Variants in CORO2B observed in about 807,000 individuals in gnomAD.
CORO2B encodes coronin 2B, also known as coronin-2B.
Under a neutral mutation model 58.8 loss-of-function variants are expected in CORO2B, and 26 were observed. The ratio of observed to expected loss-of-function variants is 0.44; its 90% confidence interval spans 0.32 to 0.61. The LOEUF (loss-of-function observed/expected upper bound fraction) is 0.61. CORO2B is among the 20% of genes least tolerant of loss of function. CORO2B has a pLI of 0.04. For synonymous variants in CORO2B, 242 were observed against 253.8 expected (o/e 0.95, Z 0.44); for missense variants, 460 against 645.1 (o/e 0.71, Z 3.11).
chr15:68,520,852 C>T, the CORO2B span, among the ~76,000 whole-genome samples: 1 of 152,256 alleles, frequency 6.6e-6, no homozygotes, highest in African/African-American at 2.4e-5. Flanking sequence ...TTGAGACTAG[C>T]CTGGCCAACA....
At chr15:68,521,534 A>G in the CORO2B span, among the ~76,000 whole-genome samples, 5 of 151,772 alleles carry the variant, frequency 3.3e-5, no homozygotes, top group African/African-American at 1.2e-4. Context: ...TCCTTCTTAC[A>G]TTTCCTTTTT....
intron 1 of CORO2B, among the ~76,000 whole-genome samples, chr15:68,606,914 G>C (rs1900138359): frequency 1.3e-5 from 2 of 152,164 alleles, no homozygotes; most frequent in African/African-American, 4.8e-5. Context: ...ATCCTCCATT[G>C]ACTGTGGATT....
intron 2 of CORO2B, among the ~76,000 whole-genome samples, chr15:68,669,085 GAGAA>G (rs1377149272): frequency 2.0e-5 from 3 of 146,760 alleles, no homozygotes; most frequent in Admixed American, 7.4e-5. Flanking sequence ...GAGAGAGAGA[GAGAA>G]AGAAGGAAGG....
intron 3 of CORO2B, among the ~76,000 whole-genome samples, chr15:68,696,800 C>G (rs1339128951): frequency 3.9e-5 from 6 of 152,124 alleles, no homozygotes; most frequent in East Asian, 1.9e-4. Flanking sequence ...GCCTGGTGTT[C>G]CCAGATGAAG....
intron 1 of CORO2B, among the ~76,000 whole-genome samples, chr15:68,588,704 C>A (rs2140564024): frequency 6.6e-6 from 1 of 152,280 alleles, no homozygotes; most frequent in South Asian, 2.1e-4. Flanking sequence ...TGCAGCAAAT[C>A]ATTTAAACAC....
chr15:68,562,794 G>A, the CORO2B span, among the ~76,000 whole-genome samples: 3 of 152,018 alleles, frequency 2.0e-5, no homozygotes, highest in South Asian at 4.2e-4. Context: ...GGCTAACACG[G>A]CGAAACCCCG....
chr15:68,530,822 C>A, the CORO2B span, among the ~76,000 whole-genome samples: 1 of 152,094 alleles, frequency 6.6e-6, no homozygotes, highest in South Asian at 2.1e-4. Flanking sequence ...TGAGTTCCTC[C>A]TTTTACTTAG....
chr15:68,619,289 A>G (rs1900450073), intron 1 of CORO2B, among the ~76,000 whole-genome samples: 1 of 152,152 alleles, frequency 6.6e-6, no homozygotes, highest in African/African-American at 2.4e-5. Context: ...ACTTTCCTTT[A>G]GCCTGAATTT....
intron 3 of CORO2B, among the ~76,000 whole-genome samples, chr15:68,704,629 C>T (rs1412213448): frequency 6.6e-6 from 1 of 152,148 alleles, no homozygotes; most frequent in Non-Finnish European, 1.5e-5. Flanking sequence ...TTGCCTTTGC[C>T]TTGTCTGCAG....
intron 1 of CORO2B, among the ~76,000 whole-genome samples, chr15:68,593,201 T>C (rs1237226760): frequency 6.6e-6 from 1 of 152,234 alleles, no homozygotes; most frequent in Admixed American, 6.5e-5. Context: ...CTCTTAATAC[T>C]GTTACATTGG....
chr15:68,707,081 C>G (rs1892802791), intron 3 of CORO2B, among the ~76,000 whole-genome samples: 1 of 152,206 alleles, frequency 6.6e-6, no homozygotes, highest in Admixed American at 6.5e-5. Flanking sequence ...CTGCCTCAGC[C>G]TCCTGAGTAG....
At chr15:68,724,359 C>A (rs1237128135) in intron 11 of CORO2B, among the ~76,000 whole-genome samples, 2 of 152,218 alleles carry the variant, frequency 1.3e-5, no homozygotes, top group Non-Finnish European at 2.9e-5. Flanking sequence ...TTTCCAGTTT[C>A]CATTTCTTTT....
intron 2 of CORO2B, among the ~76,000 whole-genome samples, chr15:68,661,898 T>C (rs1393833852): frequency 1.3e-5 from 2 of 152,124 alleles, no homozygotes; most frequent in African/African-American, 4.8e-5. Context: ...TCCCAGGTAC[T>C]CAGGAGGCTG....
At chr15:68,633,510 A>AACACACACACACAC (rs1322123149) in intron 1 of CORO2B, among the ~76,000 whole-genome samples, 1 of 51,754 alleles carries the variant, frequency 1.9e-5, no homozygotes, top group African/African-American at 8.5e-5. Context: ...TGGTTACTCC[A>AACACACACACACAC]ACATACACAC....
intron 2 of CORO2B, among the ~76,000 whole-genome samples, chr15:68,649,700 C>A (rs1034439022): frequency 1.3e-5 from 2 of 152,110 alleles, no homozygotes; most frequent in African/African-American, 4.8e-5. Context: ...ATTTCATGTT[C>A]TCCTGAAAAA....
chr15:68,605,854 A>T (rs1313906590), intron 1 of CORO2B, among the ~76,000 whole-genome samples: 1 of 151,130 alleles, frequency 6.6e-6, no homozygotes, highest in Non-Finnish European at 1.5e-5. Context: ...CCTCCTGAGT[A>T]TCTGTGATTA....
At chr15:68,533,706 G>A in the CORO2B span, among the ~76,000 whole-genome samples, 680 of 152,282 alleles carry the variant, frequency 4.5e-3, 6 homozygotes, top group African/African-American at 0.015. Context: ...AAAAATCAGT[G>A]TCTTAAACAT....
rs16952370 is a variant in CORO2B at position 68,681,928 on chromosome 15, A to C, written c.217-13212A>C. 3.0e-3 allele frequency among the ~76,000 whole-genome samples: 455 copies of C among 152,262 alleles called. 14 individuals carry two copies. In the East Asian group the frequency reaches 0.078, roughly 26 times the overall value. ...AGGGTTTAGGGGCTTCATAGATTTA[A>C]AGGGCTAGAGCTGGGACAGTGGAGA... On this transcript the variant is annotated intron_variant, in intron 2 of 11. Transcript: ENST00000261861.
chr15:68,582,716 C>G (rs1048125056), intron 1 of CORO2B, among the ~76,000 whole-genome samples: 1 of 152,156 alleles, frequency 6.6e-6, no homozygotes, highest in Non-Finnish European at 1.5e-5. Context: ...CCCTTGCAAC[C>G]CGCTTTGTAC....
Sources: gnomAD v4.1 joint callset for allele counts (sites outside exome capture counted in the v4.1 genomes callset) on GRCh38, gnomAD v4.1.1 for gene constraint, MANE v1.5 for transcripts, NCBI Gene and HGNC (gene_info 2026-07-23, HGNC 2026-07-21) for gene names.